The following PRIM2 variants were observed in gnomAD, a reference collection of about 807,000 sequenced individuals.
PRIM2 encodes DNA primase subunit 2.
A neutral mutation model predicts 67.3 loss-of-function variants in PRIM2; 39 were observed. That is an observed-to-expected ratio of 0.58 (90% CI 0.45 to 0.76). The LOEUF (loss-of-function observed/expected upper bound fraction) is 0.76, where lower values mean the gene tolerates loss of function less well. Among genes scored for constraint, PRIM2 ranks in the 30% least tolerant of loss-of-function variants. The pLI is 0.00. For missense variants in PRIM2, 398 were observed against 598.7 expected (o/e 0.66, Z 3.50); for synonymous variants, 143 against 198.7 (o/e 0.72, Z 2.36).
At chr6:57,294,059 A>T in the PRIM2 span, among the ~76,000 whole-genome samples, 1 of 152,204 alleles carries the variant, frequency 6.6e-6, no homozygotes, top group Admixed American at 6.5e-5. Context: ...AAATTAGTTA[A>T]ATATATTATG....
intron 12 of PRIM2, among the ~76,000 whole-genome samples, chr6:57,624,868 A>G (rs1776920468): frequency 6.6e-6 from 1 of 152,102 alleles, no homozygotes; most frequent in Non-Finnish European, 1.5e-5. Context: ...GGTTTAATGG[A>G]CTCACAGTTC....
intron 10 of PRIM2, among the ~76,000 whole-genome samples, chr6:57,545,379 A>G (rs1272966465): frequency 6.6e-5 from 10 of 152,106 alleles, no homozygotes; most frequent in Non-Finnish European, 1.5e-4. Context: ...GAAGATACTG[A>G]AATAAAAGAA....
the PRIM2 span, among the ~76,000 whole-genome samples, chr6:57,230,629 A>G: frequency 1.3e-5 from 2 of 152,164 alleles, no homozygotes; most frequent in Non-Finnish European, 2.9e-5. Context: ...AGGGGTCGTA[A>G]GATACCCAAT....
At chr6:57,466,462 T>A (rs1452959464) in intron 7 of PRIM2, among the ~76,000 whole-genome samples, 1 of 152,218 alleles carries the variant, frequency 6.6e-6, no homozygotes, top group African/African-American at 2.4e-5. Context: ...TTCCTATTTC[T>A]CCACATCCTC....
intron 7 of PRIM2, among the ~76,000 whole-genome samples, chr6:57,498,736 T>C (rs1470579615): frequency 4.6e-5 from 7 of 152,308 alleles, no homozygotes; most frequent in Non-Finnish European, 1.0e-4. Flanking sequence ...TTCGCCAGTG[T>C]TGGGTGAACA....
At chr6:57,341,916 A>C (rs1768506246) in intron 5 of PRIM2, among the ~76,000 whole-genome samples, 1 of 152,176 alleles carries the variant, frequency 6.6e-6, no homozygotes, top group Admixed American at 6.5e-5. Context: ...CCTGGACTTA[A>C]AGTGCTTGTG....
At chr6:57,569,864 C>T (rs1211104304) in intron 10 of PRIM2, among the ~76,000 whole-genome samples, 2 of 152,046 alleles carry the variant, frequency 1.3e-5, no homozygotes, top group Non-Finnish European at 2.9e-5. Context: ...CTGCCTTAGC[C>T]TCCTGAGTAG....
intron 7 of PRIM2, chr6:57,383,575 A>AAG (rs1770033961): frequency 3.2e-5 from 1 of 31,440 alleles, no homozygotes; most frequent in African/African-American, 1.6e-4. Flanking sequence ...TTTTCTTGCT[A>AAG]AAAAAAAAAA....
chr6:57,536,153 A>T (rs1335281023), intron 9 of PRIM2, among the ~76,000 whole-genome samples: 2 of 152,210 alleles, frequency 1.3e-5, no homozygotes, highest in Admixed American at 6.6e-5. Flanking sequence ...GAGAAACTAG[A>T]TGGTCACTAG....
chr6:57,255,712 G>A, the PRIM2 span, among the ~76,000 whole-genome samples: 3 of 151,722 alleles, frequency 2.0e-5, no homozygotes, highest in East Asian at 2.0e-4. Flanking sequence ...ACAGAAATTC[G>A]TGAACTTGTA....
chr6:57,405,227 C>T (rs12205722), intron 7 of PRIM2, among the ~76,000 whole-genome samples: 2 of 152,280 alleles, frequency 1.3e-5, no homozygotes, highest in Non-Finnish European at 2.9e-5. Context: ...AAAATTTCTT[C>T]GGTCACTACA....
rs554449268 is a variant in PRIM2 at position 57,447,001 on chromosome 6, A to G, written c.694-60386A>G. 2.0e-3 allele frequency among the ~76,000 whole-genome samples: 304 copies of G among 152,308 alleles called. 1 individual carries two copies. Among genetic ancestry groups the G allele is most frequent in the African/African-American group, 6.9e-3 (288 of 41,580 alleles). Reference sequence around the variant, plus strand: ...TTCCACTGACAACTCTTGAAGGCCCACCTCAACTGAAGCCTCACTGATAGC... The same window carrying G: ...TTCCACTGACAACTCTTGAAGGCCCGCCTCAACTGAAGCCTCACTGATAGC... On this transcript the variant is annotated intron_variant, in intron 7 of 13. Transcript: ENST00000615550.
At chr6:57,491,593 A>G (rs1475002454) in intron 7 of PRIM2, among the ~76,000 whole-genome samples, 1 of 152,234 alleles carries the variant, frequency 6.6e-6, no homozygotes, top group Non-Finnish European at 1.5e-5. Context: ...TTTTACAGCC[A>G]TAGATACAAT....
intron 7 of PRIM2, among the ~76,000 whole-genome samples, chr6:57,446,241 T>G (rs1772357915): frequency 6.6e-6 from 1 of 151,894 alleles, no homozygotes; most frequent in African/African-American, 2.4e-5. Flanking sequence ...TCAAATCTAT[T>G]GTCTTAAGCC....
intron 9 of PRIM2, among the ~76,000 whole-genome samples, chr6:57,536,707 T>G (rs2127469769): frequency 6.6e-6 from 1 of 152,362 alleles, no homozygotes; most frequent in Admixed American, 6.5e-5. Context: ...GGAATTCTGC[T>G]GAGTAAAAAA....
upstream of PRIM2, among the ~76,000 whole-genome samples, chr6:57,313,909 T>C (rs771504569): frequency 6.6e-6 from 1 of 152,206 alleles, no homozygotes. Context: ...CTTTTTGGGA[T>C]AGAAGTTCTG....
At chr6:57,339,504 A>G (rs1406804819) in intron 5 of PRIM2, among the ~76,000 whole-genome samples, 1 of 152,196 alleles carries the variant, frequency 6.6e-6, no homozygotes, top group Non-Finnish European at 1.5e-5. Flanking sequence ...GTACCAAAAC[A>G]GAGATATAGA....
At chr6:57,549,182 A>G (rs1197602073) in intron 10 of PRIM2, among the ~76,000 whole-genome samples, 1 of 152,260 alleles carries the variant, frequency 6.6e-6, no homozygotes, top group Non-Finnish European at 1.5e-5. Context: ...CAGAGATGGC[A>G]TAAGGTAAAA....
intron 8 of PRIM2, among the ~76,000 whole-genome samples, chr6:57,525,447 A>G (rs1324496786): frequency 1.3e-5 from 2 of 152,124 alleles, no homozygotes; most frequent in African/African-American, 4.8e-5. Flanking sequence ...TTTTCCAACT[A>G]CATTCTCTAA....
Sources: allele counts gnomAD v4.1 joint callset (sites outside exome capture counted in the v4.1 genomes callset), GRCh38; gene constraint gnomAD v4.1.1; transcripts MANE v1.5; gene names NCBI Gene and HGNC (gene_info 2026-07-23, HGNC 2026-07-21).